Variants in CD38 observed in about 807,000 individuals in gnomAD.
The protein encoded by CD38 is ADP-ribosyl cyclase/cyclic ADP-ribose hydrolase 1.
A neutral mutation model predicts 36.3 loss-of-function variants in CD38; 31 were observed. That is an observed-to-expected ratio of 0.85 (90% CI 0.64 to 1.15). The LOEUF is 1.15. Among genes scored for constraint, CD38 ranks in the 50% most tolerant of loss-of-function variants. The pLI is 0.00. For synonymous variants in CD38, 131 were observed against 135.2 expected (o/e 0.97, Z 0.22); for missense variants, 380 against 371.9 (o/e 1.02, Z -0.18).
chr4:15,780,514 TCTCTCACACACA>T (rs1308117183), intron 1 of CD38, among the ~76,000 whole-genome samples: 4 of 112,956 alleles, frequency 3.5e-5, no homozygotes, highest in African/African-American at 8.5e-5. Context: ...TAATATTCTC[TCTCTCACACACA>T]CACACACACA....
chr4:15,824,136 G>C (rs1158917972), intron 2 of CD38, among the ~76,000 whole-genome samples: 2 of 152,094 alleles, frequency 1.3e-5, no homozygotes, highest in Non-Finnish European at 2.9e-5. Flanking sequence ...AACACACACT[G>C]TAGCTTGTTG....
chr4:15,837,755 G>A (rs1724100288), intron 4 of CD38, among the ~76,000 whole-genome samples: 2 of 152,076 alleles, frequency 1.3e-5, no homozygotes, highest in Non-Finnish European at 2.9e-5. Flanking sequence ...TGTTTACAGT[G>A]CATGACACTG....
intron 1 of CD38, among the ~76,000 whole-genome samples, chr4:15,792,467 A>AAAAAAAAAAAAAAAAAAAAAAAAT (rs1560308122): frequency 6.7e-6 from 1 of 149,172 alleles, no homozygotes; most frequent in Non-Finnish European, 1.5e-5. Flanking sequence ...AGAAAAAAAA[A>AAAAAAAAAAAAAAAAAAAAAAAAT]GAAAAGAAAA....
In CD38 at chr4:15,853,159, G is replaced by A. The variant is rs1460201527; in HGVS notation, c.*4557G>A. ...GCATTGGGCGAGTTTATTAACATCT[G>A]TGACTCTCTAGTTTGAAATTTATTT... is the stretch of plus-strand genomic sequence containing the variant. On this transcript the variant is annotated 3_prime_UTR_variant, in exon 8 of 8. Coordinates refer to ENST00000226279, the MANE Select transcript of CD38 (RefSeq NM_001775.4). 2 of 152,164 alleles carry A rather than the reference G, an allele frequency of 1.3e-5. No individual in the cohort carries two copies. The highest frequency in any genetic ancestry group is 2.4e-5 in the African/African-American group (1 of 41,434). 9.4% of individuals were successfully genotyped at this position (152,164 alleles called of 1,614,324 possible). A position where few individuals can be genotyped will look rare whatever the true frequency, so the allele number is the denominator to read the frequency against.
intron 7 of CD38, among the ~76,000 whole-genome samples, chr4:15,843,307 A>G (rs1724243989): frequency 1.4e-5 from 1 of 69,374 alleles, no homozygotes. Flanking sequence ...ATCCAGCCAA[A>G]CTAAGCTTCA....
intron 1 of CD38, among the ~76,000 whole-genome samples, chr4:15,791,179 G>GC (rs1722976306): frequency 2.8e-5 from 3 of 106,404 alleles, no homozygotes; most frequent in Non-Finnish European, 5.6e-5. Flanking sequence ...GAGGTGGGGG[G>GC]GTCAGCCCCC....
At chr4:15,809,233 G>A (rs778447239) in intron 1 of CD38, among the ~76,000 whole-genome samples, 89 of 152,304 alleles carry the variant, frequency 5.8e-4, no homozygotes, top group Non-Finnish European at 9.0e-4. Context: ...TGAAAGTAAA[G>A]TAAGGCAGTA....
chr4:15,785,656 A>T (rs1433166876), intron 1 of CD38, among the ~76,000 whole-genome samples: 1 of 152,074 alleles, frequency 6.6e-6, no homozygotes, highest in African/African-American at 2.4e-5. Context: ...GGAGGGAAAA[A>T]AGTTGGGAAT....
At chr4:15,830,485 G>C (rs1355493704) in intron 3 of CD38, among the ~76,000 whole-genome samples, 1 of 152,110 alleles carries the variant, frequency 6.6e-6, no homozygotes, top group African/African-American at 2.4e-5. Flanking sequence ...ATCTATTCTG[G>C]TTTTTAATGC....
intron 1 of CD38, among the ~76,000 whole-genome samples, chr4:15,780,567 C>T (rs1346936286): frequency 1.4e-5 from 2 of 139,848 alleles, no homozygotes; most frequent in Admixed American, 7.2e-5. Context: ...CACACACACA[C>T]ATACAGTCTT....
Position 15,840,520 on chromosome 4 carries a change from C to T in CD38, c.821C>T (p.Ser274Phe), listed in dbSNP as rs1393490181. The T allele has an allele frequency of 1.3e-6, 2 of 1,588,950 alleles. No individual in the cohort carries two copies. Among genetic ancestry groups the T allele is most frequent in the African/African-American group, 2.7e-5 (2 of 74,288 alleles). Residue 274 changes from serine (S) to phenylalanine (F), a missense_variant, in exon 7 of 8, where the codon TCC (serine) becomes TTC (phenylalanine). Ser to Phe is a radical substitution (Grantham distance 155). Coordinates refer to ENST00000226279, the MANE Select transcript of CD38 (RefSeq NM_001775.4). ...ATAAGCAAAAGGAATATTCAATTTT[C>T]CTGCAAGAATATCTACAGGTAATTA... is the stretch of plus-strand genomic sequence containing the variant. Reference protein sequence around the residue: ...SIISKRNIQFSCKNIYRPDKF... With the variant: ...SIISKRNIQFFCKNIYRPDKF...
At chr4:15,839,012 CT>C (rs1724138916) in intron 5 of CD38, among the ~76,000 whole-genome samples, 1 of 150,910 alleles carries the variant, frequency 6.6e-6, no homozygotes, top group South Asian at 2.1e-4. Flanking sequence ...CCTTTGTTCT[CT>C]AATTTTTGTT....
At chr4:15,838,034 C>A in intron 4 of CD38, 58 bp from the exon 5 acceptor site, 2 of 1,352,708 alleles carry the variant, frequency 1.5e-6, no homozygotes, top group Non-Finnish European at 2.1e-6. Context: ...TTGAATGAAA[C>A]TGCTGGAGGA....
rs189437093 is a variant in CD38 at position 15,812,684 on chromosome 4, G to A, written c.234-3827G>A. Among the ~76,000 whole-genome samples the A allele has an allele frequency of 9.4e-3, 1,435 of 152,206 alleles. 7 individuals are homozygous for A. Among genetic ancestry groups the A allele is most frequent in the Non-Finnish European group, 0.016 (1,097 of 68,016 alleles). On this transcript the variant is annotated intron_variant, in intron 1 of 7. Transcript: ENST00000226279. ...CATTGCACTCTAGCCTGGGCAACAGGGCGAGATTCTGTCTCAAAAAAACAA... is the reference window on the plus strand; with the variant it reads ...CATTGCACTCTAGCCTGGGCAACAGAGCGAGATTCTGTCTCAAAAAAACAA...
intron 3 of CD38, among the ~76,000 whole-genome samples, chr4:15,828,720 T>C (rs970543072): frequency 2.2e-4 from 34 of 152,230 alleles, no homozygotes; most frequent in African/African-American, 8.0e-4. Flanking sequence ...CATTCGTCTA[T>C]TGATGGACTC....
At chr4:15,838,950 G>C (rs1199902248) in intron 5 of CD38, among the ~76,000 whole-genome samples, 6 of 152,064 alleles carry the variant, frequency 3.9e-5, no homozygotes, top group African/African-American at 7.2e-5. Context: ...TGCCTTCCTT[G>C]GCTGATCTCC....
intron 4 of CD38, among the ~76,000 whole-genome samples, chr4:15,837,421 A>C (rs1724093154): frequency 2.6e-5 from 4 of 152,050 alleles, no homozygotes; most frequent in Admixed American, 2.6e-4. Flanking sequence ...TGTGGAGGGA[A>C]TGTAAGATGC....
Position 15,849,470 on chromosome 4 carries a change from T to G in CD38, c.*868T>G, listed in dbSNP as rs1048310897. On this transcript the variant is annotated 3_prime_UTR_variant, in exon 8 of 8. Transcript: ENST00000226279. ...GCATATTGGATTAAATTGACTAGAA[T>G]GGAATCTGGAATATAGTTCTTCTGG... 14 of 152,354 alleles carry G rather than the reference T, an allele frequency of 9.2e-5. No individual in the cohort carries two copies. Among genetic ancestry groups the G allele is most frequent in the African/African-American group, 3.4e-4 (14 of 41,592 alleles). The allele number at this position is 152,354 out of a possible 1,614,324, so 9.4% of individuals were successfully genotyped here.
At chr4:15,830,306 C>A (rs1237169265) in intron 3 of CD38, among the ~76,000 whole-genome samples, 1 of 152,140 alleles carries the variant, frequency 6.6e-6, no homozygotes, top group African/African-American at 2.4e-5. Context: ...GAGATGATAT[C>A]TCATGATAGT....
Sources: gnomAD v4.1 joint callset for allele counts (sites outside exome capture counted in the v4.1 genomes callset) on GRCh38, gnomAD v4.1.1 for gene constraint, MANE v1.5 for transcripts, NCBI Gene and HGNC (gene_info 2026-07-23, HGNC 2026-07-21) for gene names.